RFT1: variants seen among roughly 807,000 people sequenced by gnomAD.
The protein encoded by RFT1 is RFT1 glycolipid translocator homolog, also known as man(5)GlcNAc(2)-PP-dolichol translocation protein RFT1.
In RFT1, 43 loss-of-function variants were observed where a neutral mutation model predicts 62.2. The observed-to-expected ratio is 0.69, with a 90% CI of 0.54 to 0.89. The LOEUF (loss-of-function observed/expected upper bound fraction) is 0.89. Ranked by LOEUF, RFT1 falls within the 40% of genes least tolerant of loss-of-function variation. The pLI is 0.00. For missense variants in RFT1, 605 were observed against 649.9 expected, an observed-to-expected ratio of 0.93 and a Z score of 0.75; for synonymous variants, 262 against 264.6, an observed-to-expected ratio of 0.99 and a Z score of 0.10.
At position 53,122,482 on chromosome 3, in the gene RFT1, GACA is replaced by G. The variant is rs779809846; in HGVS notation, c.345_347del (p.Val116del). ...GCACCACTCCAGTTGCATAGTGAGG[GACA>G]ACATTAGGATCAGGCACTTCAAGCA... On this transcript the variant is annotated inframe_deletion, in exon 4 of 13. Transcript: ENST00000296292. 3.9e-5 allele frequency: 63 copies of G among 1,613,802 alleles called. No homozygotes were observed. The highest frequency in any genetic ancestry group is 1.6e-4 in the Middle Eastern group (1 of 6,082).
At chr3:53,070,393 G>GGTTTTTTTTTTTTTTTTTTTT in the RFT1 span, among the ~76,000 whole-genome samples, 9 of 85,448 alleles carry the variant, frequency 1.1e-4, 3 homozygotes, top group Non-Finnish European at 6.8e-5. Flanking sequence ...CTGTATTATG[G>GGTTTTTTTTTTTTTTTTTTTT]TTTTTTTTTT....
the RFT1 span, among the ~76,000 whole-genome samples, chr3:53,082,458 G>C: frequency 1.3e-5 from 2 of 151,394 alleles, no homozygotes; most frequent in Non-Finnish European, 2.9e-5. Context: ...CTGGGTGATA[G>C]AGCAAGACTG....
At chr3:53,108,557 G>GT (rs1266248387) in intron 7 of RFT1, among the ~76,000 whole-genome samples, 36 of 149,914 alleles carry the variant, frequency 2.4e-4, no homozygotes, top group Non-Finnish European at 4.0e-4. Context: ...CCCAGCTAAT[G>GT]TTTTTTTTTA....
the RFT1 span, among the ~76,000 whole-genome samples, chr3:53,077,472 A>G: frequency 2.0e-5 from 3 of 152,234 alleles, no homozygotes; most frequent in Non-Finnish European, 2.9e-5. Context: ...AACCCCTTCC[A>G]AAGCCACTAG....
the RFT1 span, among the ~76,000 whole-genome samples, chr3:53,072,761 C>T: frequency 1.3e-5 from 2 of 152,210 alleles, no homozygotes; most frequent in Non-Finnish European, 1.5e-5. Context: ...CACCCTGGGG[C>T]GGCTGCTCCA....
downstream of RFT1, among the ~76,000 whole-genome samples, chr3:53,083,669 C>A (rs1700801793): frequency 6.6e-6 from 1 of 152,212 alleles, no homozygotes; most frequent in African/African-American, 2.4e-5. Context: ...TGAGAGCAGG[C>A]AAAGACAAGT....
In RFT1 at chr3:53,091,844, C is replaced by T. The variant is rs1236211393; in HGVS notation, c.*59G>A. On this transcript the variant is annotated 3_prime_UTR_variant, in exon 13 of 13. Transcript: ENST00000296292. ...TGGGGCTCTTACACAGAATGTGTTC[C>T]ACCCACAGAACTACCCATAGCTGGT... The T allele has an allele frequency of 1.3e-6, 2 of 1,573,150 alleles. No individual in the cohort carries two copies. The highest frequency in any genetic ancestry group is 1.7e-5 in the Admixed American group (1 of 59,862).
At chr3:53,095,056 A>T (rs912742756) in intron 11 of RFT1, among the ~76,000 whole-genome samples, 4 of 149,312 alleles carry the variant, frequency 2.7e-5, no homozygotes, top group African/African-American at 7.6e-5. Context: ...TCGCGAGGTC[A>T]AGAGATCGAG....
At chr3:53,079,926 G>A in the RFT1 span, among the ~76,000 whole-genome samples, 1 of 152,214 alleles carries the variant, frequency 6.6e-6, no homozygotes, top group Non-Finnish European at 1.5e-5. Flanking sequence ...CAATTGGTGG[G>A]TGAGGCCATG....
chr3:53,109,967 G>A (rs941869240), intron 7 of RFT1, among the ~76,000 whole-genome samples: 1 of 152,128 alleles, frequency 6.6e-6, no homozygotes, highest in Admixed American at 6.5e-5. Flanking sequence ...AGTTCCTAAT[G>A]GCACTCTGCC....
At chr3:53,120,051 A>G in intron 5 of RFT1, 30 bp from the exon 6 acceptor site, 1 of 1,572,866 alleles carries the variant, frequency 6.4e-7, no homozygotes, top group Non-Finnish European at 8.6e-7. Context: ...GTTTTAATAA[A>G]GGCATAATTA....
intron 5 of RFT1, 68 bp downstream of exon 5, chr3:53,121,631 G>T: frequency 7.9e-7 from 1 of 1,259,362 alleles, no homozygotes; most frequent in Non-Finnish European, 1.1e-6. Context: ...ACACGGCGGT[G>T]GGAACAAGAA....
chr3:53,127,991 T>C (rs1338303408), intron 1 of RFT1, among the ~76,000 whole-genome samples: 3 of 151,512 alleles, frequency 2.0e-5, no homozygotes, highest in African/African-American at 7.3e-5. Flanking sequence ...AGAAACCATA[T>C]AAAAATATGG....
At chr3:53,094,140 T>G (rs1701074168) in intron 11 of RFT1, among the ~76,000 whole-genome samples, 1 of 151,746 alleles carries the variant, frequency 6.6e-6, no homozygotes, top group Non-Finnish European at 1.5e-5. Context: ...TCCCAGCACA[T>G]TGGGAGGTTG....
In RFT1 at chr3:53,089,257, A is replaced by G. The variant is rs891368; in HGVS notation, c.*2646T>C. 0.49 allele frequency: 74,018 copies of G among 152,460 alleles called. 19,855 individuals carry two copies. The highest frequency in any genetic ancestry group is 0.73 in the East Asian group (3,777 of 5,192). The allele number at this position is 152,460 out of a possible 1,614,324, so 9.4% of individuals were successfully genotyped here. ...GAAGTTGCCATCAGGTAAGCATTAA[A>G]CAGCACAGCAGCAGCTCCTCACTGA... On this transcript the variant is annotated 3_prime_UTR_variant, in exon 13 of 13. Coordinates refer to ENST00000296292, the MANE Select transcript of RFT1 (RefSeq NM_052859.4).
the RFT1 span, among the ~76,000 whole-genome samples, chr3:53,070,393 G>GGTTTTTTTTTTTTTTT: frequency 1.2e-5 from 1 of 85,448 alleles, no homozygotes. Context: ...CTGTATTATG[G>GGTTTTTTTTTTTTTTT]TTTTTTTTTT....
intron 3 of RFT1, among the ~76,000 whole-genome samples, chr3:53,123,286 A>T (rs12630819): frequency 0.26 from 40,039 of 152,216 alleles, 5,668 homozygotes; most frequent in Middle Eastern, 0.4. Context: ...CACATAACAA[A>T]ACTGAAGAAA....
In RFT1 at chr3:53,119,973, T is replaced by C. The variant is rs1410903310; in HGVS notation, c.607A>G (p.Lys203Glu). The C allele has an allele frequency of 1.2e-6, 2 of 1,611,340 alleles. No homozygotes were observed. Among genetic ancestry groups the C allele is most frequent in the East Asian group, 2.2e-5 (1 of 44,844 alleles). Residue 203 changes from lysine (K) to glutamate (E), a missense_variant, in exon 6 of 13, where the codon AAG becomes GAG. Transcript: ENST00000296292. ...LVLCYVIYFT[K>E]LLGSPESTKL... Reference sequence around the variant, plus strand: ...GTTGATTCTGGGGAACCCAGTAACTTTGTGAAATAAATAACATAGCAGAGC... The same window carrying C: ...GTTGATTCTGGGGAACCCAGTAACTCTGTGAAATAAATAACATAGCAGAGC...
At chr3:53,117,944 GTGCAGTGGCACAATCATGGCTCAC>G (rs1403438005) in intron 6 of RFT1, among the ~76,000 whole-genome samples, 1 of 152,168 alleles carries the variant, frequency 6.6e-6, no homozygotes. Context: ...CCAGGCTGGA[GTGCAGTGGCACAATCATGGCTCAC>G]TGCAGCCTTG....
Sources: allele counts gnomAD v4.1 joint callset (sites outside exome capture counted in the v4.1 genomes callset), GRCh38; gene constraint gnomAD v4.1.1; transcripts MANE v1.5; gene names NCBI Gene and HGNC (gene_info 2026-07-23, HGNC 2026-07-21).